The following PCDHA7 variants were observed in gnomAD, a reference collection of about 807,000 sequenced individuals.
The protein encoded by PCDHA7 is protocadherin alpha-7.
A neutral mutation model predicts 57.2 loss-of-function variants in PCDHA7; 37 were observed. The observed-to-expected ratio is 0.65, with a 90% confidence interval of 0.50 to 0.85. PCDHA7 has a LOEUF of 0.85. Among genes scored for constraint, PCDHA7 ranks in the 40% least tolerant of loss-of-function variants. PCDHA7 has a pLI of 0.00. For missense variants in PCDHA7, 1,188 were observed against 1,241.8 expected, an observed-to-expected ratio of 0.96 and a Z score of 0.65; for synonymous variants, 553 against 558.8, an observed-to-expected ratio of 0.99 and a Z score of 0.15.
intron 1 of PCDHA7, chr5:140,884,480 A>G (rs782532542): frequency 6.2e-7 from 1 of 1,613,780 alleles, no homozygotes; most frequent in South Asian, 1.1e-5. Context: ...GGGCAAGCCC[A>G]CTCTAGTGTG....
intron 1 of PCDHA7, chr5:140,856,360 C>G: frequency 6.3e-7 from 1 of 1,598,550 alleles, no homozygotes; most frequent in Non-Finnish European, 8.6e-7. Flanking sequence ...GCAGCATCCA[C>G]CTGGAGGTGA....
At chr5:140,859,835 A>G (rs2046039280) in intron 1 of PCDHA7, 1 of 152,134 alleles carries the variant, frequency 6.6e-6, no homozygotes, top group South Asian at 2.1e-4. Context: ...TGTATTTGTT[A>G]TTTTATCAAA....
chr5:140,943,679 A>C (rs973228943), intron 1 of PCDHA7, among the ~76,000 whole-genome samples: 3 of 152,248 alleles, frequency 2.0e-5, no homozygotes, highest in African/African-American at 7.2e-5. Context: ...TGTGAAAAAA[A>C]GGGATAAGGT....
chr5:140,902,548 A>G (rs1554190491), intron 1 of PCDHA7, among the ~76,000 whole-genome samples: 1 of 152,028 alleles, frequency 6.6e-6, no homozygotes, highest in East Asian at 1.9e-4. Flanking sequence ...TTCCTTCTAT[A>G]CCCAGATTTT....
chr5:140,993,786 C>G (rs2097581960), intron 3 of PCDHA7, among the ~76,000 whole-genome samples: 1 of 152,162 alleles, frequency 6.6e-6, no homozygotes, highest in Admixed American at 6.5e-5. Flanking sequence ...TGTACAGTAA[C>G]ATGCTGTGCA....
chr5:140,850,459 G>T (rs868917699), intron 1 of PCDHA7: 1 of 1,597,898 alleles, frequency 6.3e-7, no homozygotes, highest in Admixed American at 1.7e-5. Flanking sequence ...AAAGACCACG[G>T]GGAGCCAGCG....
intron 2 of PCDHA7, 91 bp from the exon 3 acceptor site, chr5:140,982,384 C>T (rs1245752901): frequency 6.3e-7 from 1 of 1,584,990 alleles, no homozygotes; most frequent in African/African-American, 1.3e-5. Context: ...GCAGCCCTGG[C>T]TTCATAGTTG....
At chr5:140,899,158 T>G (rs1285542285) in intron 1 of PCDHA7, among the ~76,000 whole-genome samples, 1 of 152,188 alleles carries the variant, frequency 6.6e-6, no homozygotes, top group African/African-American at 2.4e-5. Context: ...TGACTTCCTC[T>G]TTTCCTAATT....
At chr5:140,941,219 C>CTTTCTTTCTT (rs1563186292) in intron 1 of PCDHA7, among the ~76,000 whole-genome samples, 18 of 125,974 alleles carry the variant, frequency 1.4e-4, no homozygotes, top group African/African-American at 4.5e-4. Context: ...TTCTTCCTTT[C>CTTTCTTTCTT]TTTCTTTCTT....
At chr5:140,928,272 T>TG in intron 1 of PCDHA7, 1 of 1,614,156 alleles carries the variant, frequency 6.2e-7, no homozygotes, top group Admixed American at 1.7e-5. Context: ...ACAATGGCCC[T>TG]GGGGCCTCTC....
chr5:140,967,641 T>C (rs2096165933), intron 1 of PCDHA7: 1 of 1,614,004 alleles, frequency 6.2e-7, no homozygotes, highest in East Asian at 2.2e-5. Context: ...AATGGTGAGC[T>C]CAGGTACTCC....
At chr5:140,884,665 A>G (rs1554181817) in intron 1 of PCDHA7, 9 of 1,578,032 alleles carry the variant, frequency 5.7e-6, no homozygotes, top group Non-Finnish European at 7.7e-6. Context: ...TGAAAGAGGT[A>G]AGCTTATATT....
At chr5:140,883,376 G>C in intron 1 of PCDHA7, 1 of 1,614,116 alleles carries the variant, frequency 6.2e-7, no homozygotes, top group Non-Finnish European at 8.5e-7. Context: ...CGCCATTATT[G>C]CCCTAATCAG....
intron 1 of PCDHA7, chr5:140,870,381 G>T: frequency 6.2e-7 from 1 of 1,614,214 alleles, no homozygotes; most frequent in African/African-American, 1.3e-5. Flanking sequence ...TGGTGACTGC[G>T]CGGGATGGGG....
chr5:140,999,363 A>G (rs772527438), intron 3 of PCDHA7, among the ~76,000 whole-genome samples: 1 of 152,198 alleles, frequency 6.6e-6, no homozygotes, highest in Non-Finnish European at 1.5e-5. Flanking sequence ...AATGTTCACA[A>G]TCCCATTAGA....
intron 1 of PCDHA7, chr5:140,884,079 A>T (rs2059982825): frequency 3.1e-6 from 5 of 1,613,504 alleles, no homozygotes; most frequent in Non-Finnish European, 4.2e-6. Context: ...TCGGGCTACA[A>T]TGCGTGGCTT....
chr5:140,838,021 A>T (rs190658901), intron 1 of PCDHA7, among the ~76,000 whole-genome samples: 1 of 151,324 alleles, frequency 6.6e-6, no homozygotes, highest in African/African-American at 2.4e-5. Flanking sequence ...AAGTGATTAC[A>T]GTAGAAACCT....
At chr5:141,005,650 C>T (rs1262025643) in intron 3 of PCDHA7, among the ~76,000 whole-genome samples, 4 of 126,784 alleles carry the variant, frequency 3.2e-5, no homozygotes, top group African/African-American at 9.3e-5. Context: ...TGCAGTGAGT[C>T]GAGATCGCGC....
chr5:141,008,985 A>C (rs566679512), intron 3 of PCDHA7, among the ~76,000 whole-genome samples: 1 of 152,240 alleles, frequency 6.6e-6, no homozygotes, highest in Non-Finnish European at 1.5e-5. Context: ...AGTTTAATCT[A>C]GACACTAAAA....
Sources: allele counts gnomAD v4.1 joint callset (sites outside exome capture counted in the v4.1 genomes callset), GRCh38; gene constraint gnomAD v4.1.1; transcripts MANE v1.5; gene names NCBI Gene and HGNC (gene_info 2026-07-23, HGNC 2026-07-21).